INPP5A: variants seen among roughly 807,000 people sequenced by gnomAD.
INPP5A encodes the protein 43 kDa inositol polyphosphate 5-phophatase.
Under a neutral mutation model 65.2 loss-of-function variants are expected in INPP5A, and 14 were observed. The observed-to-expected ratio is 0.21, with a 90% CI of 0.14 to 0.34. The LOEUF is 0.34. INPP5A is among the 10% of genes least tolerant of loss of function. INPP5A has a pLI of 1.00. For missense variants in INPP5A, 431 were observed against 545.6 expected (o/e 0.79, Z 2.09); for synonymous variants, 207 against 208.3 (o/e 0.99, Z 0.05).
chr10:132,711,430 C>A (rs576723505), intron 8 of INPP5A, among the ~76,000 whole-genome samples: 6 of 152,308 alleles, frequency 3.9e-5, no homozygotes, highest in African/African-American at 1.4e-4. Flanking sequence ...CGCCAGCATC[C>A]CTGTGGTTGA....
intron 2 of INPP5A, among the ~76,000 whole-genome samples, chr10:132,624,983 C>T (rs1402582463): frequency 2.0e-5 from 3 of 152,104 alleles, no homozygotes; most frequent in Non-Finnish European, 4.4e-5. Context: ...TGGCATTGGT[C>T]ACTGTCCCTG....
intron 8 of INPP5A, among the ~76,000 whole-genome samples, chr10:132,720,707 G>C (rs1211980892): frequency 6.7e-6 from 1 of 148,232 alleles, no homozygotes; most frequent in African/African-American, 2.5e-5. Context: ...TTAGACAGCT[G>C]TCTTCAGGGT....
At chr10:132,541,685 G>A in intron 1 of INPP5A, among the ~76,000 whole-genome samples, 1 of 152,220 alleles carries the variant, frequency 6.6e-6, no homozygotes, top group East Asian at 1.9e-4. Context: ...CCCCTCAGGT[G>A]TTGGCCGTTC....
intron 9 of INPP5A, among the ~76,000 whole-genome samples, chr10:132,740,157 T>C (rs184535502): frequency 2.6e-4 from 40 of 152,356 alleles, no homozygotes; most frequent in Non-Finnish European, 4.6e-4. Context: ...CCAGTAATGC[T>C]TCTCCAGGTG....
At chr10:132,652,971 TC>T (rs771120973) in intron 4 of INPP5A, among the ~76,000 whole-genome samples, 84 of 152,146 alleles carry the variant, frequency 5.5e-4, no homozygotes, top group Non-Finnish European at 8.8e-4. Flanking sequence ...GACCCCACAG[TC>T]CCCTCCTGCT....
At chr10:132,570,459 C>T (rs542628418) in intron 1 of INPP5A, among the ~76,000 whole-genome samples, 16 of 152,218 alleles carry the variant, frequency 1.1e-4, no homozygotes, top group Admixed American at 4.6e-4. Flanking sequence ...AGTCCCTCTG[C>T]GATCCTGTCT....
intron 2 of INPP5A, among the ~76,000 whole-genome samples, chr10:132,621,813 C>G (rs1401578122): frequency 1.3e-5 from 2 of 148,796 alleles, no homozygotes; most frequent in East Asian, 3.9e-4. Context: ...ATCTGTGTAG[C>G]TGTCTTATTT....
chr10:132,735,642 G>A (rs1299404983), intron 9 of INPP5A, among the ~76,000 whole-genome samples: 1 of 152,218 alleles, frequency 6.6e-6, no homozygotes, highest in Non-Finnish European at 1.5e-5. Context: ...TGCCGACCGC[G>A]TTCCTCTGCC....
chr10:132,770,862 C>G (rs990976619), intron 12 of INPP5A, among the ~76,000 whole-genome samples: 1 of 152,178 alleles, frequency 6.6e-6, no homozygotes, highest in Non-Finnish European at 1.5e-5. Flanking sequence ...GTCTGGCACC[C>G]AGTGCGAGCA....
At position 132,698,734 on chromosome 10, in the gene INPP5A, C is replaced by T. The variant is rs147951356; in HGVS notation, c.474+815C>T. 2.0e-3 allele frequency among the ~76,000 whole-genome samples: 312 copies of T among 152,270 alleles called. 3 individuals carry two copies. The highest frequency in any genetic ancestry group is 5.9e-3 in the African/African-American group (244 of 41,546). On this transcript the variant is annotated intron_variant, in intron 6 of 15. Transcript: ENST00000368594. The surrounding 1 kb of genome is among the most constrained non-coding windows in gnomAD (Gnocchi z 5.5). ...TGGCAGCTGGACGCAGGTTTGGGGG[C>T]GTCCAGGCTGTGATATAGGAGCTCT...
chr10:132,768,482 A>C (rs917681839), intron 12 of INPP5A, among the ~76,000 whole-genome samples: 1 of 152,350 alleles, frequency 6.6e-6, no homozygotes, highest in East Asian at 1.9e-4. Context: ...GGGTGAGATC[A>C]GCTTCCGCTT....
chr10:132,668,371 A>G (rs988381331), intron 4 of INPP5A, among the ~76,000 whole-genome samples: 1 of 152,224 alleles, frequency 6.6e-6, no homozygotes, highest in Non-Finnish European at 1.5e-5. Context: ...TGATGCTGCC[A>G]TGGAAAAAAT....
chr10:132,626,533 C>T (rs1179420830), intron 2 of INPP5A, among the ~76,000 whole-genome samples: 2 of 152,196 alleles, frequency 1.3e-5, no homozygotes, highest in South Asian at 2.1e-4. Context: ...CTAAGTGCCT[C>T]GTAGCAATAT....
chr10:132,634,328 C>T (rs2072312500), intron 2 of INPP5A, among the ~76,000 whole-genome samples: 1 of 150,682 alleles, frequency 6.6e-6, no homozygotes, highest in Non-Finnish European at 1.5e-5. Context: ...GGCGTATCAT[C>T]TCCCTTGGTG....
intron 4 of INPP5A, among the ~76,000 whole-genome samples, chr10:132,660,881 G>A (rs1329609720): frequency 6.6e-6 from 1 of 152,238 alleles, no homozygotes; most frequent in Non-Finnish European, 1.5e-5. Context: ...AGGACCAGAA[G>A]TGGTGATCCA....
In INPP5A at chr10:132,747,112, C is replaced by A. The variant is rs1210750529; in HGVS notation, c.733-2405C>A. On this transcript the variant is annotated intron_variant, in intron 9 of 15. Transcript: ENST00000368594. ...GAGCCGTGAATTTCCTGAGCCGCGT[C>A]CTGGGATGGCTACAATGGCCGTCTG... Among the ~76,000 whole-genome samples, 4 of 152,206 alleles carry A rather than the reference C, an allele frequency of 2.6e-5. No homozygotes were observed. The East Asian group carries it at 7.7e-4, about 29-fold the overall frequency.
At chr10:132,607,072 C>T (rs1327688558) in intron 1 of INPP5A, among the ~76,000 whole-genome samples, 5 of 152,332 alleles carry the variant, frequency 3.3e-5, no homozygotes, top group African/African-American at 7.2e-5. Flanking sequence ...GCCTCGTCCG[C>T]GGTGACCTCC....
chr10:132,746,811 C>A (rs182602490), intron 9 of INPP5A, among the ~76,000 whole-genome samples: 1 of 152,348 alleles, frequency 6.6e-6, no homozygotes, highest in East Asian at 1.9e-4. Flanking sequence ...CCAAAGTAGG[C>A]GAGCCGGAAA....
At chr10:132,754,671 G>A (rs1846559042) in intron 11 of INPP5A, among the ~76,000 whole-genome samples, 1 of 152,258 alleles carries the variant, frequency 6.6e-6, no homozygotes, top group Non-Finnish European at 1.5e-5. Flanking sequence ...AGTGGCCTTG[G>A]TCCACTGAGC....
Sources: gnomAD v4.1 joint callset for allele counts (sites outside exome capture counted in the v4.1 genomes callset) on GRCh38, gnomAD v4.1.1 for gene constraint, Gnocchi (gnomAD v3.1) non-coding constraint, MANE v1.5 for transcripts, NCBI Gene and HGNC (gene_info 2026-07-23, HGNC 2026-07-21) for gene names.